Variants in SCOC observed in about 807,000 individuals in gnomAD.
The protein encoded by SCOC is short coiled coil protein.
In SCOC, 7 loss-of-function variants were observed where a neutral mutation model predicts 9.9. That is an observed-to-expected ratio of 0.71 (90% CI 0.40 to 1.33). The LOEUF (loss-of-function observed/expected upper bound fraction) is 1.33. SCOC is among the 40% of genes most tolerant of loss of function. The pLI is 0.01. For missense variants in SCOC, 66 were observed against 89.7 expected, an observed-to-expected ratio of 0.74 and a Z score of 1.07; for synonymous variants, 19 against 28.2, an observed-to-expected ratio of 0.67 and a Z score of 1.03.
At chr4:140,329,480 T>C (rs1732744931) in intron 1 of SCOC, among the ~76,000 whole-genome samples, 1 of 152,120 alleles carries the variant, frequency 6.6e-6, no homozygotes, top group Admixed American at 6.5e-5. Flanking sequence ...AGCTTCTGCA[T>C]AGCTAAAGAA....
intron 1 of SCOC, among the ~76,000 whole-genome samples, chr4:140,289,458 G>C (rs1235166093): frequency 2.6e-5 from 4 of 152,086 alleles, no homozygotes; most frequent in Non-Finnish European, 5.9e-5. Context: ...CTGTGAAGTG[G>C]GTCTCCTGTT....
chr4:140,372,830 C>T (rs72716368), upstream of SCOC, among the ~76,000 whole-genome samples: 8,844 of 152,192 alleles, frequency 0.058, 336 homozygotes, highest in South Asian at 0.14. Flanking sequence ...AAGCAGGATG[C>T]CGCTTTGTGT....
At chr4:140,357,754 C>G (rs980855332) in intron 2 of SCOC, among the ~76,000 whole-genome samples, 14 of 152,192 alleles carry the variant, frequency 9.2e-5, no homozygotes, top group Non-Finnish European at 1.6e-4. Flanking sequence ...TCAGAGCTGC[C>G]TTTGCCATCT....
chr4:140,333,614 C>A (rs1282338506), intron 1 of SCOC, among the ~76,000 whole-genome samples: 1 of 152,114 alleles, frequency 6.6e-6, no homozygotes, highest in Non-Finnish European at 1.5e-5. Flanking sequence ...CTAAAAGTTA[C>A]ATACAATGTG....
chr4:140,343,869 TTC>T lies in SCOC; in HGVS notation c.70+163_70+164del, dbSNP rs572351229. On this transcript the variant is annotated intron_variant, in intron 2 of 4. Transcript: ENST00000338517. ...AACAGGTTTTAATTAAGAGCTGTTT[TTC>T]TTTTTCCTTTTAAATTAAGTGATAA... Among the ~76,000 whole-genome samples the T allele has an allele frequency of 6.5e-3, 984 of 152,360 alleles. 7 individuals are homozygous for T. The highest frequency in any genetic ancestry group is 0.012 in the Non-Finnish European group (804 of 68,034).
intron 1 of SCOC, among the ~76,000 whole-genome samples, chr4:140,290,276 G>A (rs1022092615): frequency 1.3e-5 from 2 of 152,214 alleles, no homozygotes; most frequent in African/African-American, 4.8e-5. Flanking sequence ...CTTACAGGCA[G>A]GGTAAAATCT....
intron 1 of SCOC, chr4:140,293,137 T>C: frequency 2.6e-6 from 1 of 378,408 alleles, no homozygotes; most frequent in South Asian, 2.0e-5. Flanking sequence ...CCCCCCTATA[T>C]CTTTCAGAAG....
intron 1 of SCOC, among the ~76,000 whole-genome samples, chr4:140,326,016 C>T (rs749985408): frequency 3.9e-5 from 6 of 152,116 alleles, no homozygotes; most frequent in African/African-American, 9.7e-5. Context: ...AATGCATTAT[C>T]GATTTACACA....
intron 1 of SCOC, among the ~76,000 whole-genome samples, chr4:140,374,957 A>G (rs1158194834): frequency 6.6e-6 from 1 of 152,234 alleles, no homozygotes; most frequent in African/African-American, 2.4e-5. Context: ...CGAAGACATT[A>G]TTTTAGCAGT....
chr4:140,310,148 A>G (rs1170979992), intron 1 of SCOC, among the ~76,000 whole-genome samples: 3 of 152,210 alleles, frequency 2.0e-5, no homozygotes, highest in African/African-American at 7.2e-5. Flanking sequence ...TATGCTTTAT[A>G]TTTTAAAAAA....
chr4:140,277,291 A>AC (rs977483036), intron 1 of SCOC, among the ~76,000 whole-genome samples: 3 of 151,264 alleles, frequency 2.0e-5, no homozygotes, highest in Non-Finnish European at 4.4e-5. Context: ...TAGGCTGCAG[A>AC]CCCCCCTCCC....
At chr4:140,346,477 T>C (rs1021660091) in intron 2 of SCOC, among the ~76,000 whole-genome samples, 21 of 152,306 alleles carry the variant, frequency 1.4e-4, no homozygotes, top group African/African-American at 4.6e-4. Flanking sequence ...CTCCCCCTTA[T>C]ACTGCTTCTT....
Position 140,385,273 on chromosome 4 carries a change from T to C in SCOC, c.*4169T>C, listed in dbSNP as rs1458000288. The C allele has an allele frequency of 1.3e-5, 2 of 152,216 alleles. No individual in the cohort carries two copies. The highest frequency in any genetic ancestry group is 4.8e-5 in the African/African-American group (2 of 41,454). The allele number at this position is 152,216 out of a possible 1,614,324, so 9.4% of individuals were successfully genotyped here. On this transcript the variant is annotated 3_prime_UTR_variant, in exon 4 of 4. Coordinates refer to ENST00000608372, the MANE Select transcript of SCOC (RefSeq NM_001153484.2). ...GGAGTTTTCCAGATTTTATAAAATA[T>C]TATGACTCAGACACCAATATGGTTT...
At chr4:140,375,304 T>C (rs1008606610) in intron 1 of SCOC, among the ~76,000 whole-genome samples, 1 of 152,250 alleles carries the variant, frequency 6.6e-6, no homozygotes, top group Non-Finnish European at 1.5e-5. Flanking sequence ...ATTGAATACC[T>C]ACTATGTACT....
Position 140,373,699 on chromosome 4 carries a change from C to T in SCOC, c.-69C>T. On this transcript the variant is annotated 5_prime_UTR_variant, in exon 1 of 4. Coordinates refer to ENST00000608372, the MANE Select transcript of SCOC (RefSeq NM_001153484.2). ...GGTGTCGGCCGGATCCCTCCTTCTC[C>T]CGGCGCCTCAAGCGGAAGGTGAGGG... 6.5e-7 allele frequency: 1 copy of T among 1,549,242 alleles called. No individual in the cohort carries two copies. The highest frequency in any genetic ancestry group is 8.7e-7 in the Non-Finnish European group (1 of 1,146,856).
intron 1 of SCOC, among the ~76,000 whole-genome samples, chr4:140,325,400 GAAAA>G (rs1466013190): frequency 1.3e-5 from 2 of 152,110 alleles, no homozygotes; most frequent in Non-Finnish European, 2.9e-5. Flanking sequence ...ACAGACTGGG[GAAAA>G]AATTGCAAAT....
At chr4:140,285,850 C>T (rs1052616918) in intron 1 of SCOC, among the ~76,000 whole-genome samples, 1 of 152,120 alleles carries the variant, frequency 6.6e-6, no homozygotes, top group Non-Finnish European at 1.5e-5. Context: ...CCTCCAATCT[C>T]CCAGACTCAG....
At chr4:140,362,771 A>G (rs1411285881) in intron 2 of SCOC, 2 of 152,194 alleles carry the variant, frequency 1.3e-5, no homozygotes, top group African/African-American at 2.4e-5. Flanking sequence ...AACTTTAGAT[A>G]TCCAACCAAC....
chr4:140,277,839 A>T (rs1731019261), intron 1 of SCOC, among the ~76,000 whole-genome samples: 1 of 152,212 alleles, frequency 6.6e-6, no homozygotes, highest in Admixed American at 6.5e-5. Flanking sequence ...TCCTGGATGT[A>T]ACTTATAGGA....
Sources: allele counts gnomAD v4.1 joint callset (sites outside exome capture counted in the v4.1 genomes callset), GRCh38; gene constraint gnomAD v4.1.1; transcripts MANE v1.5; gene names NCBI Gene and HGNC (gene_info 2026-07-23, HGNC 2026-07-21).